Variants in PSD3 observed in about 807,000 individuals in gnomAD.
PSD3 encodes PH and SEC7 domain-containing protein 3.
Under a neutral mutation model 105.5 loss-of-function variants are expected in PSD3, and 49 were observed. The observed-to-expected ratio is 0.46, with a 90% CI of 0.37 to 0.59. The LOEUF is 0.59. Ranked by LOEUF, PSD3 falls within the 20% of genes least tolerant of loss-of-function variation. PSD3 has a pLI of 0.00. For missense variants in PSD3, 1,561 were observed against 1,263.8 expected (o/e 1.24, Z -3.57); for synonymous variants, 557 against 457.8 (o/e 1.22, Z -2.77).
chr8:18,742,459 C>A (rs1271898689), intron 9 of PSD3, among the ~76,000 whole-genome samples: 1 of 152,070 alleles, frequency 6.6e-6, no homozygotes, highest in African/African-American at 2.4e-5. Flanking sequence ...TCTTTATAAT[C>A]GTGAAACAAA....
In PSD3 at chr8:18,960,499, A is replaced by G. The variant is rs945600025; in HGVS notation, c.22-24357T>C. On this transcript the variant is annotated intron_variant, in intron 1 of 15. Transcript: ENST00000327040. ...AGAAAGCTGTCCAACAAAAAACTGA[A>G]TAAAAACAAATCAAGAAAAGAAATT... is the stretch of plus-strand genomic sequence containing the variant. 4.6e-5 allele frequency among the ~76,000 whole-genome samples: 7 copies of G among 152,356 alleles called. No individual in the cohort carries two copies. In the South Asian group the frequency reaches 1.4e-3, roughly 32 times the overall value.
intron 1 of PSD3, among the ~76,000 whole-genome samples, chr8:18,996,827 T>C (rs1435402384): frequency 6.6e-6 from 1 of 151,920 alleles, no homozygotes; most frequent in African/African-American, 2.4e-5. Flanking sequence ...TGGTCCCCAC[T>C]ACTACACTAT....
At chr8:19,039,842 C>A (rs1385108140) in intron 1 of PSD3, among the ~76,000 whole-genome samples, 6 of 152,190 alleles carry the variant, frequency 3.9e-5, no homozygotes, top group Admixed American at 3.9e-4. Context: ...AAGTCCCCTC[C>A]ATCATGGGGC....
intron 12 of PSD3, among the ~76,000 whole-genome samples, chr8:18,592,662 T>C (rs1410817424): frequency 6.6e-6 from 1 of 152,084 alleles, no homozygotes; most frequent in East Asian, 1.9e-4. Flanking sequence ...CAGAAGTGAC[T>C]GTGATGATAT....
At chr8:18,643,599 G>A (rs887574193) in intron 10 of PSD3, among the ~76,000 whole-genome samples, 2 of 152,192 alleles carry the variant, frequency 1.3e-5, no homozygotes, top group African/African-American at 2.4e-5. Flanking sequence ...AAATAGGCAA[G>A]AAAAAAGAAT....
intron 9 of PSD3, among the ~76,000 whole-genome samples, chr8:18,727,566 ACACACACACACACACACGCACG>A (rs1238751244): frequency 8.7e-5 from 13 of 149,916 alleles, no homozygotes; most frequent in African/African-American, 3.2e-4. Flanking sequence ...ACACACACAC[ACACACACACACACACACGCACG>A]CACACACACA....
At chr8:18,539,101 C>G (rs1800002554) in intron 15 of PSD3, among the ~76,000 whole-genome samples, 1 of 152,202 alleles carries the variant, frequency 6.6e-6, no homozygotes, top group East Asian at 1.9e-4. Flanking sequence ...CTGAACCAAA[C>G]CAAATATACC....
chr8:18,959,606 C>T (rs1487622870), intron 1 of PSD3, among the ~76,000 whole-genome samples: 1 of 152,084 alleles, frequency 6.6e-6, no homozygotes, highest in Non-Finnish European at 1.5e-5. Context: ...ACCCACCTTG[C>T]CTTTCTGCCC....
intron 9 of PSD3, among the ~76,000 whole-genome samples, chr8:18,711,920 AAT>A: frequency 6.6e-6 from 1 of 152,216 alleles, no homozygotes; most frequent in Non-Finnish European, 1.5e-5. Context: ...CTGAAATCAT[AAT>A]AGTCTCTCGG....
chr8:18,849,321 C>A (rs1045168182), intron 4 of PSD3: 8 of 152,202 alleles, frequency 5.3e-5, no homozygotes, highest in African/African-American at 1.7e-4. Flanking sequence ...CTTCGGCTCA[C>A]TTCTTGGTGC....
intron 1 of PSD3, among the ~76,000 whole-genome samples, chr8:18,976,355 CA>C (rs1204636291): frequency 6.6e-6 from 1 of 152,026 alleles, no homozygotes; most frequent in African/African-American, 2.4e-5. Flanking sequence ...TATTTTTCAC[CA>C]ATTAAAAATT....
intron 4 of PSD3, among the ~76,000 whole-genome samples, chr8:18,859,599 T>A (rs1246518852): frequency 6.6e-6 from 1 of 152,252 alleles, no homozygotes; most frequent in African/African-American, 2.4e-5. Flanking sequence ...TTATCAATTA[T>A]CCCAGCTAGA....
intron 9 of PSD3, among the ~76,000 whole-genome samples, chr8:18,757,825 C>T (rs1205796916): frequency 2.6e-5 from 4 of 152,130 alleles, no homozygotes; most frequent in African/African-American, 7.2e-5. Context: ...TTTCTTAAAA[C>T]GTCAGTGTTT....
intron 1 of PSD3, among the ~76,000 whole-genome samples, chr8:19,031,362 A>G (rs1827764112): frequency 6.6e-6 from 1 of 152,224 alleles, no homozygotes; most frequent in Admixed American, 6.5e-5. Context: ...TGAAAGCTGG[A>G]AGAGAATTAT....
At chr8:18,750,386 C>G (rs1026240336) in intron 9 of PSD3, among the ~76,000 whole-genome samples, 1 of 152,050 alleles carries the variant, frequency 6.6e-6, no homozygotes, top group Non-Finnish European at 1.5e-5. Context: ...AGTGTTACAG[C>G]TCTTAAGGTA....
intron 12 of PSD3, among the ~76,000 whole-genome samples, chr8:18,578,030 G>C (rs1802568308): frequency 6.6e-6 from 1 of 151,992 alleles, no homozygotes; most frequent in African/African-American, 2.4e-5. Flanking sequence ...TATGGCTGCA[G>C]TCTTCTTCAT....
intron 2 of PSD3, among the ~76,000 whole-genome samples, chr8:18,903,851 G>C (rs1042625666): frequency 1.3e-5 from 2 of 152,110 alleles, no homozygotes; most frequent in Non-Finnish European, 2.9e-5. Context: ...TTAGGCTGAG[G>C]GAAGGTGTGA....
intron 4 of PSD3, among the ~76,000 whole-genome samples, chr8:18,843,655 A>G (rs189854211): frequency 7.5e-4 from 114 of 152,314 alleles, no homozygotes; most frequent in African/African-American, 2.7e-3. Flanking sequence ...AGAAGTAGAG[A>G]AGTAATGAGT....
At chr8:18,855,783 A>G (rs1048480193) in intron 4 of PSD3, among the ~76,000 whole-genome samples, 3 of 152,262 alleles carry the variant, frequency 2.0e-5, no homozygotes, top group African/African-American at 7.2e-5. Flanking sequence ...TACGTAGGGA[A>G]GGAAAGAGAG....
Sources: gnomAD v4.1 joint callset for allele counts (sites outside exome capture counted in the v4.1 genomes callset) on GRCh38, gnomAD v4.1.1 for gene constraint, MANE v1.5 for transcripts, NCBI Gene and HGNC (gene_info 2026-07-23, HGNC 2026-07-21) for gene names.